The following AGBL1 variants were observed in gnomAD, a reference collection of about 807,000 sequenced individuals.
The protein encoded by AGBL1 is cytosolic carboxypeptidase 4.
In AGBL1, 130 loss-of-function variants were observed where a neutral mutation model predicts 118.9. The observed-to-expected ratio is 1.09, with a 90% CI of 0.95 to 1.26. The LOEUF (loss-of-function observed/expected upper bound fraction) is 1.26. AGBL1 is among the 50% of genes most tolerant of loss of function. The pLI, the probability that AGBL1 is intolerant of heterozygous loss-of-function variation, is 0.00. For synonymous variants in AGBL1, 555 were observed against 478.9 expected, an observed-to-expected ratio of 1.16 and a Z score of -2.08; for missense variants, 1,584 against 1,298.1, an observed-to-expected ratio of 1.22 and a Z score of -3.38.
rs2082935116 is a variant in AGBL1 at position 86,503,034 on chromosome 15, C to CATG, written c.2556-19775_2556-19773dup. On this transcript the variant is annotated intron_variant, in intron 18 of 22. Transcript: ENST00000614907. Reference sequence around the variant, plus strand: ...GCTTGGTAGAATTCACCACTGAGGCCATGCAGAATTCACCAGTGAAGTCCT... The same window carrying CATG: ...GCTTGGTAGAATTCACCACTGAGGCCATGATGCAGAATTCACCAGTGAAGTCCT... 2.0e-5 allele frequency among the ~76,000 whole-genome samples: 3 copies of CATG among 151,576 alleles called. 1 individual carries two copies. In the South Asian group the frequency reaches 6.2e-4, roughly 31 times the overall value.
At chr15:86,890,477 G>A (rs750991314) in intron 22 of AGBL1, among the ~76,000 whole-genome samples, 2 of 152,098 alleles carry the variant, frequency 1.3e-5, no homozygotes, top group Non-Finnish European at 2.9e-5. Context: ...CTGTGCCTGT[G>A]TCCTGAATGG....
At chr15:86,920,032 TTATC>T (rs1401282267), downstream of AGBL1, among the ~76,000 whole-genome samples, 7 of 152,268 alleles carry the variant, frequency 4.6e-5, no homozygotes. Context: ...CTGTCGAACA[TTATC>T]TATTTACTGT....
chr15:86,163,715 G>A (rs1426092569), intron 5 of AGBL1, among the ~76,000 whole-genome samples: 2 of 150,698 alleles, frequency 1.3e-5, no homozygotes. Context: ...GAGACAGAGT[G>A]AGATTCTGTC....
chr15:86,696,194 T>C (rs1278107366), intron 22 of AGBL1, among the ~76,000 whole-genome samples: 1 of 152,074 alleles, frequency 6.6e-6, no homozygotes, highest in East Asian at 1.9e-4. Flanking sequence ...ACTTCCCCAC[T>C]ATTATTGTGT....
chr15:86,888,953 A>G (rs2080012162), intron 22 of AGBL1, among the ~76,000 whole-genome samples: 1 of 152,212 alleles, frequency 6.6e-6, no homozygotes, highest in Non-Finnish European at 1.5e-5. Context: ...GACTAACAAT[A>G]TATAAGCACT....
intron 22 of AGBL1, among the ~76,000 whole-genome samples, chr15:86,894,834 A>T (rs1483284304): frequency 6.6e-6 from 1 of 152,190 alleles, no homozygotes. Context: ...GTTCTCAAGG[A>T]AGATTTCAAA....
In AGBL1 at chr15:86,201,487, C is replaced by G. The variant is rs551473402; in HGVS notation, c.489-23427C>G. ...TAGGAGCTATCTTGAATAGAAAATG[C>G]CTTTCAGCCCACAGAGATGATGTTA... On this transcript the variant is annotated intron_variant, in intron 5 of 22. Transcript: ENST00000614907. Among the ~76,000 whole-genome samples the G allele has an allele frequency of 5.1e-4, 77 of 152,242 alleles. 3 individuals carry two copies. In the South Asian group the frequency reaches 0.015, roughly 30 times the overall value.
chr15:86,493,750 C>T (rs1003517987), intron 18 of AGBL1, among the ~76,000 whole-genome samples: 1 of 152,046 alleles, frequency 6.6e-6, no homozygotes, highest in Non-Finnish European at 1.5e-5. Context: ...CACACAGACA[C>T]ATCTCTAAAC....
chr15:86,536,743 C>A (rs963813583), intron 19 of AGBL1, among the ~76,000 whole-genome samples: 6 of 152,096 alleles, frequency 3.9e-5, no homozygotes, highest in Non-Finnish European at 8.8e-5. Context: ...GGAGGGTAAC[C>A]GCTTAGAAAG....
intron 9 of AGBL1, among the ~76,000 whole-genome samples, chr15:86,260,734 T>C (rs1239470103): frequency 2.0e-5 from 3 of 152,150 alleles, no homozygotes; most frequent in Non-Finnish European, 2.9e-5. Context: ...AGTGGTGAAC[T>C]CAAGTCTGAG....
chr15:86,999,628 G>T (rs1596724287), intron 24 of AGBL1, among the ~76,000 whole-genome samples: 1 of 150,318 alleles, frequency 6.7e-6, no homozygotes, highest in African/African-American at 2.5e-5. Context: ...GTCTATCGTT[G>T]TTGGACATTT....
At chr15:86,204,600 G>GT (rs1035676073) in intron 5 of AGBL1, among the ~76,000 whole-genome samples, 3 of 144,224 alleles carry the variant, frequency 2.1e-5, no homozygotes, top group African/African-American at 7.7e-5. Context: ...GTTTAGTTTT[G>GT]TTTTTTTGAG....
At chr15:86,988,182 G>A (rs2081303047) in intron 24 of AGBL1, 1 of 1,442,726 alleles carries the variant, frequency 6.9e-7, no homozygotes, top group Non-Finnish European at 9.4e-7. Flanking sequence ...TGGACAAAGA[G>A]AAAGTAAATG....
At chr15:86,600,783 T>A (rs2084480873) in intron 21 of AGBL1, among the ~76,000 whole-genome samples, 2 of 152,124 alleles carry the variant, frequency 1.3e-5, no homozygotes, top group Non-Finnish European at 2.9e-5. Flanking sequence ...AGTATCAAAA[T>A]CAGAGAATAT....
intron 7 of AGBL1, among the ~76,000 whole-genome samples, chr15:86,248,828 A>G (rs529657486): frequency 4.6e-5 from 7 of 152,200 alleles, no homozygotes; most frequent in Admixed American, 1.3e-4. Flanking sequence ...GCATAGGTCT[A>G]CAGGGGCTGC....
intron 24 of AGBL1, among the ~76,000 whole-genome samples, chr15:87,001,827 G>GT (rs1596727020): frequency 6.6e-6 from 1 of 152,044 alleles, no homozygotes; most frequent in East Asian, 1.9e-4. Flanking sequence ...TGATGGGGTT[G>GT]TTTTTTTCTT....
intron 18 of AGBL1, among the ~76,000 whole-genome samples, chr15:86,479,213 A>G (rs965778684): frequency 3.3e-5 from 5 of 152,206 alleles, no homozygotes; most frequent in Admixed American, 6.5e-5. Context: ...AATGGCAACA[A>G]AAGCCAAAAT....
At chr15:86,824,408 A>G (rs1167572103) in intron 22 of AGBL1, among the ~76,000 whole-genome samples, 3 of 152,182 alleles carry the variant, frequency 2.0e-5, no homozygotes, top group East Asian at 3.8e-4. Context: ...TATGATTACA[A>G]TTATAAAATG....
chr15:86,854,996 C>T (rs1244185396), intron 22 of AGBL1, among the ~76,000 whole-genome samples: 1 of 152,162 alleles, frequency 6.6e-6, no homozygotes, highest in Non-Finnish European at 1.5e-5. Flanking sequence ...AGTGGCCCAT[C>T]TGGCATGCAG....
Sources: allele counts gnomAD v4.1 joint callset (sites outside exome capture counted in the v4.1 genomes callset), GRCh38; gene constraint gnomAD v4.1.1; transcripts MANE v1.5; gene names NCBI Gene and HGNC (gene_info 2026-07-23, HGNC 2026-07-21).